CLNK: variants seen among roughly 807,000 people sequenced by gnomAD.
The protein encoded by CLNK is cytokine dependent hematopoietic cell linker, also known as cytokine-dependent hematopoietic cell linker.
A neutral mutation model predicts 68.6 loss-of-function variants in CLNK; 74 were observed. The ratio of observed to expected loss-of-function variants is 1.08; its 90% CI spans 0.89 to 1.31. CLNK has a LOEUF of 1.31. Ranked by LOEUF, CLNK falls within the 50% of genes most tolerant of loss-of-function variation. The probability of loss-of-function intolerance (pLI) is 0.00; values close to 1 mark genes in which losing one functional copy is unlikely to be tolerated. For missense variants in CLNK, 553 were observed against 515.3 expected, an observed-to-expected ratio of 1.07 and a Z score of -0.71; for synonymous variants, 198 against 172.2, an observed-to-expected ratio of 1.15 and a Z score of -1.17.
At chr4:10,520,956 T>C (rs1051491860) in intron 14 of CLNK, 125 bp from the exon 15 acceptor site, 4 of 696,814 alleles carry the variant, frequency 5.7e-6, no homozygotes, top group African/African-American at 3.6e-5. Flanking sequence ...TATATTTTAC[T>C]GGATATGCTA....
In CLNK at chr4:10,489,208, G is replaced by A. The variant is rs560940601; in HGVS notation, c.*1259C>T. ...CTTCTCATATTGAGTAAGATCAATA[G>A]CTACTTCGAGCCTCTGTTTCCTCAT... On this transcript the variant is annotated 3_prime_UTR_variant, in exon 19 of 19. Coordinates refer to ENST00000226951, the MANE Select transcript of CLNK (RefSeq NM_052964.4). 1 of 152,284 alleles carries A rather than the reference G, an allele frequency of 6.6e-6. No homozygotes were observed. Among genetic ancestry groups the A allele is most frequent in the South Asian group, 2.1e-4 (1 of 4,824 alleles). The allele number at this position is 152,284 out of a possible 1,614,324, so 9.4% of individuals were successfully genotyped here.
At chr4:10,562,747 C>T (rs13114386) in intron 7 of CLNK, among the ~76,000 whole-genome samples, 42,241 of 152,038 alleles carry the variant, frequency 0.28, 7,399 homozygotes, top group Non-Finnish European at 0.39. Flanking sequence ...TCTTTCAGTT[C>T]GATCTCTACT....
At chr4:10,683,369 G>C (rs1560278486) in intron 1 of CLNK, among the ~76,000 whole-genome samples, 1 of 152,124 alleles carries the variant, frequency 6.6e-6, no homozygotes, top group Non-Finnish European at 1.5e-5. Context: ...CATCTGAGAG[G>C]GCTTGTTGGG....
intron 18 of CLNK, among the ~76,000 whole-genome samples, chr4:10,497,818 T>C (rs552469111): frequency 2.0e-5 from 3 of 152,366 alleles, no homozygotes; most frequent in Admixed American, 1.3e-4. Flanking sequence ...CCCAAGGCCC[T>C]GGCACATGCA....
At chr4:10,598,442 T>G (rs1312317147) in intron 2 of CLNK, among the ~76,000 whole-genome samples, 1 of 152,196 alleles carries the variant, frequency 6.6e-6, no homozygotes, top group African/African-American at 2.4e-5. Flanking sequence ...GAGAGGCTGT[T>G]AAGAAATTTG....
chr4:10,586,049 G>T (rs1034449953), intron 3 of CLNK, among the ~76,000 whole-genome samples: 1 of 152,094 alleles, frequency 6.6e-6, no homozygotes, highest in African/African-American at 2.4e-5. Flanking sequence ...CTCATGCACG[G>T]TTCACGGTAG....
In CLNK at chr4:10,537,608, C is replaced by CCTCCCTCCCTGT. The variant is rs879482696; in HGVS notation, c.602+2885_602+2886insACAGGGAGGGAG. On this transcript the variant is annotated intron_variant, in intron 11 of 18. Coordinates refer to ENST00000226951, the MANE Select transcript of CLNK (RefSeq NM_052964.4). ...TCATCCCTCCCTCCCTGTCTTTCTC[C>CCTCCCTCCCTGT]CTTTCTCTCTCTCTTTCTTTCTTTC... Among the ~76,000 whole-genome samples, 762 of 148,562 alleles carry CCTCCCTCCCTGT rather than the reference C, an allele frequency of 5.1e-3. 7 individuals are homozygous for CCTCCCTCCCTGT. The highest frequency in any genetic ancestry group is 0.031 in the Middle Eastern group (9 of 288).
At chr4:10,556,540 C>A (rs527797451) in intron 8 of CLNK, among the ~76,000 whole-genome samples, 5 of 152,084 alleles carry the variant, frequency 3.3e-5, no homozygotes, top group African/African-American at 7.2e-5. Context: ...AGAGTGGATG[C>A]CCATAGTGAA....
intron 4 of CLNK, among the ~76,000 whole-genome samples, chr4:10,584,023 G>A (rs546823161): frequency 6.6e-6 from 1 of 152,178 alleles, no homozygotes; most frequent in South Asian, 2.1e-4. Flanking sequence ...TGATACTAAA[G>A]ACCCCAACAC....
chr4:10,636,962 ACT>A (rs752157202), intron 2 of CLNK, among the ~76,000 whole-genome samples: 7 of 152,080 alleles, frequency 4.6e-5, no homozygotes, highest in Non-Finnish European at 1.0e-4. Context: ...TACACTTGTG[ACT>A]CTGAGGAGAG....
rs1324001577 is a variant in CLNK at position 10,583,472 on chromosome 4, A to G, written c.112+1455T>C. Among the ~76,000 whole-genome samples, 3 of 152,072 alleles carry G rather than the reference A, an allele frequency of 2.0e-5. No homozygotes were observed. In the East Asian group the frequency reaches 5.8e-4, roughly 29 times the overall value. Reference sequence around the variant, plus strand: ...CAGATAATTTTAGTATTTTTAGTAGAGATAGTGTTTCACCATATTGGCCAG... The same window carrying G: ...CAGATAATTTTAGTATTTTTAGTAGGGATAGTGTTTCACCATATTGGCCAG... On this transcript the variant is annotated intron_variant, in intron 4 of 18. Coordinates refer to ENST00000226951, the MANE Select transcript of CLNK (RefSeq NM_052964.4).
At chr4:10,636,134 G>T (rs1723079442) in intron 2 of CLNK, among the ~76,000 whole-genome samples, 1 of 152,220 alleles carries the variant, frequency 6.6e-6, no homozygotes, top group Non-Finnish European at 1.5e-5. Flanking sequence ...CTTCCAAAAA[G>T]ATGTGTTGGG....
chr4:10,564,547 C>A, intron 7 of CLNK, 124 bp downstream of exon 7: 1 of 685,674 alleles, frequency 1.5e-6, no homozygotes, highest in Non-Finnish European at 2.6e-6. Flanking sequence ...TCCCATCCAC[C>A]TCAGTGAGCT....
chr4:10,551,365 C>A (rs748582528), intron 8 of CLNK, among the ~76,000 whole-genome samples: 2 of 152,088 alleles, frequency 1.3e-5, no homozygotes, highest in Non-Finnish European at 2.9e-5. Context: ...CTGCCTCAGT[C>A]TCCCAAGTAG....
intron 8 of CLNK, among the ~76,000 whole-genome samples, chr4:10,556,239 T>A (rs146704353): frequency 2.0e-5 from 3 of 152,244 alleles, no homozygotes; most frequent in Non-Finnish European, 2.9e-5. Flanking sequence ...GGGAAATTCA[T>A]ACCACATAAG....
intron 2 of CLNK, among the ~76,000 whole-genome samples, chr4:10,644,968 A>T (rs994457503): frequency 3.3e-5 from 5 of 152,246 alleles, no homozygotes; most frequent in Non-Finnish European, 7.3e-5. Flanking sequence ...GGCTTAGAAG[A>T]TCCCAGTTCA....
intron 2 of CLNK, among the ~76,000 whole-genome samples, chr4:10,631,321 A>G (rs1392790209): frequency 6.6e-6 from 1 of 152,216 alleles, no homozygotes; most frequent in Middle Eastern, 3.2e-3. Flanking sequence ...AAGTCATTTA[A>G]TGATGTTCTG....
chr4:10,488,633 G>C lies in CLNK; in HGVS notation c.*1834C>G, dbSNP rs1411139303. On this transcript the variant is annotated 3_prime_UTR_variant, in exon 19 of 19. Coordinates refer to ENST00000226951, the MANE Select transcript of CLNK (RefSeq NM_052964.4). ...CGATAGGCTCAGCTGGGTCTCAAAAGTTCCAGCTTTACAAATAGCTTCTTC... is the reference window on the plus strand; with the variant it reads ...CGATAGGCTCAGCTGGGTCTCAAAACTTCCAGCTTTACAAATAGCTTCTTC... 6.6e-6 allele frequency: 1 copy of C among 152,226 alleles called. No homozygotes were observed. The highest frequency in any genetic ancestry group is 1.5e-5 in the Non-Finnish European group (1 of 68,048). The allele number at this position is 152,226 out of a possible 1,614,324, so 9.4% of individuals were successfully genotyped here. A position where few individuals can be genotyped will look rare whatever the true frequency, so the allele number is the denominator to read the frequency against.
At chr4:10,549,133 T>C (rs1358530587) in intron 8 of CLNK, among the ~76,000 whole-genome samples, 2 of 152,186 alleles carry the variant, frequency 1.3e-5, no homozygotes, top group East Asian at 3.8e-4. Context: ...ATATCGGCAA[T>C]AGTTACAAAA....
Sources: allele counts gnomAD v4.1 joint callset (sites outside exome capture counted in the v4.1 genomes callset), GRCh38; gene constraint gnomAD v4.1.1; transcripts MANE v1.5; gene names NCBI Gene and HGNC (gene_info 2026-07-23, HGNC 2026-07-21).